The following HDAC9 variants were observed in gnomAD, a reference collection of about 807,000 sequenced individuals.
HDAC9 encodes the protein histone deacetylase 9.
HDAC9 carries 41 observed loss-of-function variants against 139.4 expected under a neutral mutation model. The observed-to-expected ratio is 0.29, with a 90% confidence interval of 0.23 to 0.38. The LOEUF (loss-of-function observed/expected upper bound fraction) is 0.38. Ranked by LOEUF, HDAC9 falls within the 10% of genes least tolerant of loss-of-function variation. HDAC9 has a pLI of 1.00. For missense variants in HDAC9, 1,147 were observed against 1,297.0 expected, an observed-to-expected ratio of 0.88 and a Z score of 1.78; for synonymous variants, 517 against 476.2, an observed-to-expected ratio of 1.09 and a Z score of -1.12.
At chr7:18,197,342 A>G (rs2128156561) in intron 2 of HDAC9, among the ~76,000 whole-genome samples, 1 of 152,304 alleles carries the variant, frequency 6.6e-6, no homozygotes, top group South Asian at 2.1e-4. Flanking sequence ...ATTAACAATT[A>G]CTTAGGAATG....
At chr7:18,406,648 C>T (rs993720591) in intron 1 of HDAC9, among the ~76,000 whole-genome samples, 4 of 152,296 alleles carry the variant, frequency 2.6e-5, no homozygotes, top group African/African-American at 4.8e-5. Flanking sequence ...CTTGGCCTTC[C>T]AAAGTGCTGG....
At chr7:18,313,599 A>G (rs946215784) in intron 1 of HDAC9, among the ~76,000 whole-genome samples, 1 of 152,202 alleles carries the variant, frequency 6.6e-6, no homozygotes, top group Non-Finnish European at 1.5e-5. Flanking sequence ...GAACTTTGGA[A>G]TATTTGGATT....
rs576851650 is a variant in HDAC9 at position 18,154,427 on chromosome 7, A to G, written c.-96-7802A>G. Among the ~76,000 whole-genome samples the G allele has an allele frequency of 3.3e-5, 5 of 152,330 alleles. No homozygotes were observed. In the South Asian group the frequency reaches 6.2e-4, roughly 19 times the overall value. On this transcript the variant is annotated intron_variant, in intron 1 of 12. Transcript: ENST00000417496. ...GCCACAGTGAGAGGCACTATGTGTC[A>G]CTGTTTTCTCTTGGGATGAAATTTG... is the stretch of plus-strand genomic sequence containing the variant.
At chr7:18,378,858 T>C (rs1042583176) in intron 1 of HDAC9, among the ~76,000 whole-genome samples, 1 of 152,162 alleles carries the variant, frequency 6.6e-6, no homozygotes, top group African/African-American at 2.4e-5. Flanking sequence ...AAATGACATC[T>C]GTATTGTTTT....
At chr7:18,726,630 A>G (rs1275368644) in intron 12 of HDAC9, among the ~76,000 whole-genome samples, 2 of 151,640 alleles carry the variant, frequency 1.3e-5, no homozygotes, top group African/African-American at 2.4e-5. Context: ...AAGATTATGA[A>G]CTCCCTCATG....
At chr7:18,885,249 T>C (rs1563021606) in intron 22 of HDAC9, among the ~76,000 whole-genome samples, 1 of 152,220 alleles carries the variant, frequency 6.6e-6, no homozygotes, top group Non-Finnish European at 1.5e-5. Context: ...CCCAACCTCT[T>C]GAAGATTATA....
intron 1 of HDAC9, among the ~76,000 whole-genome samples, chr7:18,407,284 T>C (rs189353207): frequency 6.6e-6 from 1 of 152,348 alleles, no homozygotes; most frequent in East Asian, 1.9e-4. Context: ...GATTCCTTTC[T>C]TGGACCCAAG....
At chr7:18,253,106 A>G (rs1181267594) in intron 2 of HDAC9, among the ~76,000 whole-genome samples, 1 of 152,238 alleles carries the variant, frequency 6.6e-6, no homozygotes, top group Non-Finnish European at 1.5e-5. Context: ...ATGACTGCAT[A>G]GTATTCCATG....
chr7:18,993,477 T>G (rs1786170708), intron 25 of HDAC9, among the ~76,000 whole-genome samples: 1 of 152,162 alleles, frequency 6.6e-6, no homozygotes, highest in South Asian at 2.1e-4. Flanking sequence ...CAACTTACTA[T>G]GCTACTAACA....
chr7:18,667,453 TAAC>T, intron 12 of HDAC9: 1 of 984,322 alleles, frequency 1.0e-6, no homozygotes, highest in Non-Finnish European at 1.2e-6. Context: ...TTCTGGCAAA[TAAC>T]AATTAGAAAA....
chr7:18,333,360 T>A (rs1387201923), intron 1 of HDAC9, among the ~76,000 whole-genome samples: 1 of 151,536 alleles, frequency 6.6e-6, no homozygotes, highest in African/African-American at 2.4e-5. Flanking sequence ...TTAAAGTTAA[T>A]AAAATTGTAC....
intron 1 of HDAC9, among the ~76,000 whole-genome samples, chr7:18,305,851 G>T (rs73305265): frequency 0.02 from 2,975 of 151,978 alleles, 100 homozygotes; most frequent in African/African-American, 0.068. Flanking sequence ...AGGTGAACTT[G>T]GAATGGGTTG....
At chr7:18,820,661 C>A (rs1794895492) in intron 17 of HDAC9, among the ~76,000 whole-genome samples, 1 of 152,032 alleles carries the variant, frequency 6.6e-6, no homozygotes, top group Admixed American at 6.5e-5. Flanking sequence ...AGTAGCTACT[C>A]ATAAATCTAT....
At chr7:18,649,418 A>G (rs1279012132) in intron 11 of HDAC9, among the ~76,000 whole-genome samples, 2 of 152,104 alleles carry the variant, frequency 1.3e-5, no homozygotes, top group African/African-American at 4.8e-5. Flanking sequence ...AAAAAGCACC[A>G]TCTTCTCATT....
At chr7:18,719,331 CTTTTTTT>C (rs757689693) in intron 12 of HDAC9, among the ~76,000 whole-genome samples, 861 of 73,924 alleles carry the variant, frequency 0.012, 6 homozygotes, top group African/African-American at 0.049. Context: ...TTTTCTCTTC[CTTTTTTT>C]TTTTTTTTTT....
chr7:18,408,734 T>G (rs1176871953), intron 1 of HDAC9, among the ~76,000 whole-genome samples: 1 of 152,182 alleles, frequency 6.6e-6, no homozygotes. Context: ...TGCAATGATT[T>G]CTTTAGTTTT....
At chr7:18,435,059 CA>C (rs376786180) in intron 1 of HDAC9, among the ~76,000 whole-genome samples, 974 of 67,778 alleles carry the variant, frequency 0.014, 8 homozygotes, top group African/African-American at 0.054. Flanking sequence ...ACTACACAGC[CA>C]AAAAAAAAAA....
chr7:18,557,916 G>A (rs1270798994), intron 2 of HDAC9, among the ~76,000 whole-genome samples: 1 of 151,824 alleles, frequency 6.6e-6, no homozygotes, highest in South Asian at 2.1e-4. Context: ...GAACTTGAAA[G>A]AATCTAGCAT....
At chr7:18,810,615 G>T (rs1230864270) in intron 17 of HDAC9, among the ~76,000 whole-genome samples, 1 of 151,808 alleles carries the variant, frequency 6.6e-6, no homozygotes, top group East Asian at 1.9e-4. Flanking sequence ...GTCTATACCT[G>T]ACTATCACCA....
Sources: allele counts gnomAD v4.1 joint callset (sites outside exome capture counted in the v4.1 genomes callset), GRCh38; gene constraint gnomAD v4.1.1; transcripts MANE v1.5; gene names NCBI Gene and HGNC (gene_info 2026-07-23, HGNC 2026-07-21).